Variants in CAMTA1 observed in about 807,000 individuals in gnomAD.
CAMTA1 encodes the protein calmodulin binding transcription activator 1, also known as calmodulin-binding transcription activator 1.
In CAMTA1, 27 loss-of-function variants were observed where a neutral mutation model predicts 170.9. The ratio of observed to expected loss-of-function variants is 0.16; its 90% CI spans 0.12 to 0.22. CAMTA1 has a LOEUF of 0.22. Ranked by LOEUF, CAMTA1 falls within the 10% of genes least tolerant of loss-of-function variation. The probability of loss-of-function intolerance (pLI) is 1.00; values close to 1 mark genes in which losing one functional copy is unlikely to be tolerated. For synonymous variants in CAMTA1, 833 were observed against 891.5 expected (o/e 0.93, Z 1.17); for missense variants, 1,619 against 2,217.2 (o/e 0.73, Z 5.42).
chr1:7,498,191 A>AGTGAGT lies in CAMTA1; in HGVS notation c.510+30293_510+30294insAGTGTG, dbSNP rs112193369. Among the ~76,000 whole-genome samples the AGTGAGT allele has an allele frequency of 4.3e-3, 642 of 148,624 alleles. 1 individual carries two copies. Among genetic ancestry groups the AGTGAGT allele is most frequent in the Non-Finnish European group, 5.1e-3 (339 of 66,940 alleles). On this transcript the variant is annotated intron_variant, in intron 6 of 22. Coordinates refer to ENST00000303635, the MANE Select transcript of CAMTA1 (RefSeq NM_015215.4). ...GTGTGCATGTGTGTGTATGAGAGTG[A>AGTGAGT]GTGTGTGTGTGTGTGACAGTGTGGA...
In CAMTA1 at chr1:7,482,625, G is replaced by A. The variant is rs931088774; in HGVS notation, c.510+14724G>A. Among the ~76,000 whole-genome samples, 1 of 152,206 alleles carries A rather than the reference G, an allele frequency of 6.6e-6. No homozygotes were observed. Among genetic ancestry groups the A allele is most frequent in the African/African-American group, 2.4e-5 (1 of 41,460 alleles). On this transcript the variant is annotated intron_variant, in intron 6 of 22. Coordinates refer to ENST00000303635, the MANE Select transcript of CAMTA1 (RefSeq NM_015215.4). The surrounding 1 kb of genome is among the most constrained non-coding windows in gnomAD (Gnocchi z 4.2). The stretch of plus-strand genomic sequence containing the variant: ...AGAAAGGGTGACCCTGGTGACACCA[G>A]GCATGAGAATTCTCTGTGAGCTTAG...
chr1:7,221,548 T>C lies in CAMTA1; in HGVS notation c.303-27943T>C, dbSNP rs535936029. On this transcript the variant is annotated intron_variant, in intron 4 of 22. Transcript: ENST00000303635. ...AAATTTCTTTGGTGATGGGACTTGA[T>C]TCTTCTTTATATGGTACCAGGCAGA... Among the ~76,000 whole-genome samples, 12 of 152,244 alleles carry C rather than the reference T, an allele frequency of 7.9e-5. 1 individual carries two copies. In the South Asian group the frequency reaches 2.3e-3, roughly 29 times the overall value.
At chr1:7,515,171 C>G (rs112223663) in intron 6 of CAMTA1, among the ~76,000 whole-genome samples, 367 of 130,088 alleles carry the variant, frequency 2.8e-3, no homozygotes, top group Middle Eastern at 3.8e-3. Flanking sequence ...GCTCCCTCCA[C>G]CTGGGATCAT....
chr1:6,992,806 C>T (rs1250151614), intron 3 of CAMTA1, among the ~76,000 whole-genome samples: 1 of 152,206 alleles, frequency 6.6e-6, no homozygotes, highest in African/African-American at 2.4e-5. Context: ...AATCACCTCC[C>T]ACCAGGCCCC....
At chr1:7,382,934 A>G (rs1016270123) in intron 5 of CAMTA1, among the ~76,000 whole-genome samples, 4 of 152,200 alleles carry the variant, frequency 2.6e-5, no homozygotes, top group African/African-American at 9.7e-5. Flanking sequence ...CCTTTTGCCA[A>G]TGAGTTCATT....
chr1:7,070,554 T>A (rs1638504734), intron 3 of CAMTA1, among the ~76,000 whole-genome samples: 1 of 152,198 alleles, frequency 6.6e-6, no homozygotes, highest in Admixed American at 6.5e-5. Flanking sequence ...AGCACGACCT[T>A]CTCTCTCATC....
chr1:6,995,284 TTTTTTCTTTTC>T (rs1288287275), intron 3 of CAMTA1, among the ~76,000 whole-genome samples: 26 of 143,394 alleles, frequency 1.8e-4, no homozygotes, highest in Admixed American at 5.0e-4. Flanking sequence ...TTAAAATCTT[TTTTTTCTTTTC>T]TTTTTTTTTT....
intron 5 of CAMTA1, among the ~76,000 whole-genome samples, chr1:7,358,561 G>A (rs952571251): frequency 1.3e-5 from 2 of 152,112 alleles, no homozygotes; most frequent in African/African-American, 2.4e-5. Flanking sequence ...CCCCTGCCCC[G>A]GGCAGCCCCG....
chr1:7,097,770 T>C (rs1038982654), intron 4 of CAMTA1, among the ~76,000 whole-genome samples: 4 of 152,178 alleles, frequency 2.6e-5, no homozygotes, highest in African/African-American at 9.7e-5. Context: ...CCACACATTG[T>C]GTGATGTGCT....
chr1:7,617,963 C>A (rs2095570911), intron 6 of CAMTA1, among the ~76,000 whole-genome samples: 1 of 152,160 alleles, frequency 6.6e-6, no homozygotes, highest in Non-Finnish European at 1.5e-5. Context: ...GACATTAGTT[C>A]TTAGCATGCT....
intron 5 of CAMTA1, among the ~76,000 whole-genome samples, chr1:7,323,194 G>T (rs1678723874): frequency 6.6e-6 from 1 of 151,802 alleles, no homozygotes; most frequent in African/African-American, 2.4e-5. Context: ...AGAAGTTTGG[G>T]TCAGTAGCAC....
chr1:7,418,544 G>A (rs1292921487), intron 5 of CAMTA1, among the ~76,000 whole-genome samples: 1 of 152,154 alleles, frequency 6.6e-6, no homozygotes, highest in Non-Finnish European at 1.5e-5. Flanking sequence ...GGACCTGAAA[G>A]GCTATCTCTG....
At chr1:7,457,273 C>A (rs1750843) in intron 5 of CAMTA1, among the ~76,000 whole-genome samples, 29,831 of 151,980 alleles carry the variant, frequency 0.2, 3,206 homozygotes, top group African/African-American at 0.27. Context: ...TTATTTATAT[C>A]TTTCAACATG....
intron 15 of CAMTA1, among the ~76,000 whole-genome samples, 189 bp downstream of exon 15, chr1:7,737,759 A>G (rs74560347): frequency 6.6e-6 from 1 of 152,182 alleles, no homozygotes; most frequent in Non-Finnish European, 1.5e-5. Context: ...CAAAAATTCT[A>G]TGTTCATGCA....
At chr1:7,088,706 C>T (rs879218103) in intron 3 of CAMTA1, among the ~76,000 whole-genome samples, 3 of 152,162 alleles carry the variant, frequency 2.0e-5, no homozygotes, top group Admixed American at 6.5e-5. Flanking sequence ...ATCCACTGCA[C>T]CTCCCATCCC....
intron 4 of CAMTA1, among the ~76,000 whole-genome samples, chr1:7,213,406 C>A (rs1034705144): frequency 1.3e-5 from 2 of 152,116 alleles, no homozygotes; most frequent in East Asian, 1.9e-4. Context: ...TCTGTATATT[C>A]TCTTTGGTGA....
At chr1:7,543,439 C>A (rs1438024716) in intron 6 of CAMTA1, among the ~76,000 whole-genome samples, 1 of 152,138 alleles carries the variant, frequency 6.6e-6, no homozygotes, top group Non-Finnish European at 1.5e-5. Flanking sequence ...AAATATCTCG[C>A]TTTTATTATT....
chr1:7,310,700 C>CTCTCTT lies in CAMTA1; in HGVS notation c.438+61077_438+61078insCTTTCT, dbSNP rs1361709842. ...TCTTTCTCTCTCTCTCTCTCTCTCT[C>CTCTCTT]TCTTTCTTTCTTTCTTTCTTTCTTT... On this transcript the variant is annotated intron_variant, in intron 5 of 22. Coordinates refer to ENST00000303635, the MANE Select transcript of CAMTA1 (RefSeq NM_015215.4). 4.9e-4 allele frequency among the ~76,000 whole-genome samples: 26 copies of CTCTCTT among 53,492 alleles called. 1 individual carries two copies. Among genetic ancestry groups the CTCTCTT allele is most frequent in the African/African-American group, 1.1e-3 (9 of 7,860 alleles). 35.1% of individuals were successfully genotyped at this position (53,492 alleles called of 152,430 possible).
At chr1:6,990,569 G>A (rs1340625881) in intron 3 of CAMTA1, among the ~76,000 whole-genome samples, 4 of 151,942 alleles carry the variant, frequency 2.6e-5, no homozygotes, top group East Asian at 1.9e-4. Context: ...TAAGTGTGCC[G>A]TGCGATGAGT....
Sources: gnomAD v4.1 joint callset for allele counts (sites outside exome capture counted in the v4.1 genomes callset) on GRCh38, gnomAD v4.1.1 for gene constraint, Gnocchi (gnomAD v3.1) non-coding constraint, MANE v1.5 for transcripts, NCBI Gene and HGNC (gene_info 2026-07-23, HGNC 2026-07-21) for gene names.